FGF14: variants seen among roughly 807,000 people sequenced by gnomAD.
FGF14 encodes fibroblast growth factor 14, also known as fibroblast growth factor homologous factor 4.
FGF14 carries 5 observed loss-of-function variants against 25.5 expected under a neutral mutation model. The ratio of observed to expected loss-of-function variants is 0.20; its 90% CI spans 0.10 to 0.41. FGF14 has a LOEUF of 0.41. FGF14 is among the 10% of genes least tolerant of loss of function. The pLI, the probability that FGF14 is intolerant of heterozygous loss-of-function variation, is 1.00. For synonymous variants in FGF14, 138 were observed against 118.3 expected (o/e 1.17, Z -1.08); for missense variants, 222 against 320.1 (o/e 0.69, Z 2.34).
chr13:102,244,831 AC>A (rs988662822), intron 1 of FGF14, among the ~76,000 whole-genome samples: 6 of 152,210 alleles, frequency 3.9e-5, no homozygotes, highest in African/African-American at 1.4e-4. Context: ...CCAAGGAAGA[AC>A]CACATGTTTC....
chr13:101,919,108 C>T (rs1252131412), upstream of FGF14, among the ~76,000 whole-genome samples: 1 of 152,030 alleles, frequency 6.6e-6, no homozygotes, highest in East Asian at 1.9e-4. Context: ...GGAAAGATGT[C>T]TATAGAGAGA....
intron 1 of FGF14, among the ~76,000 whole-genome samples, chr13:102,161,566 GAAGAAAGA>G (rs1220880553): frequency 0.074 from 167 of 2,256 alleles, 22 homozygotes; most frequent in Non-Finnish European, 0.085. Context: ...AACTTTCTGT[GAAGAAAGA>G]AAGAAGAAGA....
chr13:102,070,268 A>G (rs940523339), intron 1 of FGF14, among the ~76,000 whole-genome samples: 1 of 152,238 alleles, frequency 6.6e-6, no homozygotes, highest in Non-Finnish European at 1.5e-5. Context: ...ACAAACAGGT[A>G]TATGTAAAGG....
In FGF14 at chr13:102,383,019, G is replaced by T. The variant is rs573569964; in HGVS notation, c.208+18452C>A. Among the ~76,000 whole-genome samples the T allele has an allele frequency of 1.2e-4, 19 of 152,128 alleles. No individual in the cohort carries two copies. In the South Asian group the frequency reaches 3.7e-3, roughly 30 times the overall value. On this transcript the variant is annotated intron_variant, in intron 1 of 4. Coordinates refer to the FGF14 transcript ENST00000376131. ...AGTTGATGAAAATATTCTAGAATTG[G>T]ATAGTGGTAATGGTTGCACAACTAT...
intron 3 of FGF14, among the ~76,000 whole-genome samples, chr13:101,733,953 GTAT>G (rs2035997093): frequency 6.6e-6 from 1 of 151,372 alleles, no homozygotes; most frequent in South Asian, 2.1e-4. Context: ...ATATAAATAT[GTAT>G]TATATATTTT....
At chr13:101,909,384 C>G (rs910628982) in intron 1 of FGF14, among the ~76,000 whole-genome samples, 9 of 152,142 alleles carry the variant, frequency 5.9e-5, no homozygotes, top group South Asian at 4.2e-4. Flanking sequence ...TGAACTCAGA[C>G]AAATTTGCAA....
intron 1 of FGF14, among the ~76,000 whole-genome samples, chr13:102,048,941 C>G (rs1163109930): frequency 6.6e-6 from 1 of 152,036 alleles, no homozygotes; most frequent in East Asian, 1.9e-4. Flanking sequence ...ACTTCCCTTC[C>G]TAAAACAGCA....
chr13:102,161,676 G>GTACCCC (rs778745345), intron 1 of FGF14, among the ~76,000 whole-genome samples: 9,749 of 56,888 alleles, frequency 0.17, 876 homozygotes, highest in East Asian at 0.31. Flanking sequence ...AGAAGAAGAA[G>GTACCCC]AAGAAGAAGA....
chr13:102,270,231 T>A (rs185939218), intron 1 of FGF14, among the ~76,000 whole-genome samples: 1 of 152,238 alleles, frequency 6.6e-6, no homozygotes, highest in East Asian at 1.9e-4. Flanking sequence ...GTAAATGTCT[T>A]TCATCTCTCT....
Position 101,720,564 on chromosome 13 carries a change from G to GTGTGTGTA in FGF14, c.*2266_*2267insTACACACA, listed in dbSNP as rs1233100229. ...TGTGTGTGTGTGTGTGTGTGTGTGT[G>GTGTGTGTA]TATATGTGTGTGTTTGTGTGAAGTG... On this transcript the variant is annotated 3_prime_UTR_variant, in exon 5 of 5. Coordinates refer to ENST00000376143, the MANE Select transcript of FGF14 (RefSeq NM_004115.4). The GTGTGTGTA allele has an allele frequency of 2.2e-5, 3 of 138,736 alleles. No homozygotes were observed. Among genetic ancestry groups the GTGTGTGTA allele is most frequent in the Non-Finnish European group, 3.2e-5 (2 of 62,894 alleles). The allele number at this position is 138,736 out of a possible 1,614,324, so 8.6% of individuals were successfully genotyped here.
intron 1 of FGF14, among the ~76,000 whole-genome samples, chr13:102,323,548 G>A (rs2056319524): frequency 6.6e-6 from 1 of 152,132 alleles, no homozygotes; most frequent in African/African-American, 2.4e-5. Flanking sequence ...GAGACAAATT[G>A]AAATCATATC....
At chr13:102,150,180 A>T (rs917151932) in intron 1 of FGF14, among the ~76,000 whole-genome samples, 16 of 152,224 alleles carry the variant, frequency 1.1e-4, no homozygotes, top group African/African-American at 3.9e-4. Context: ...GCATCTTTGA[A>T]TCTCGACCTC....
chr13:102,363,709 C>G (rs1296088171), intron 1 of FGF14, among the ~76,000 whole-genome samples: 1 of 152,210 alleles, frequency 6.6e-6, no homozygotes, highest in Non-Finnish European at 1.5e-5. Flanking sequence ...ATGTCTCCAT[C>G]ATCTGCCTGT....
intron 1 of FGF14, among the ~76,000 whole-genome samples, chr13:102,108,557 G>A (rs2045048848): frequency 6.6e-6 from 1 of 152,182 alleles, no homozygotes; most frequent in East Asian, 1.9e-4. Context: ...CTGAAGACAG[G>A]TTTTATGTCT....
At chr13:102,181,101 G>A (rs1448586019) in intron 1 of FGF14, among the ~76,000 whole-genome samples, 1 of 152,080 alleles carries the variant, frequency 6.6e-6, no homozygotes, top group African/African-American at 2.4e-5. Flanking sequence ...CCATCATTGA[G>A]AATAATTTCT....
At chr13:101,933,636 A>G (rs536903805) in intron 1 of FGF14, among the ~76,000 whole-genome samples, 1 of 152,320 alleles carries the variant, frequency 6.6e-6, no homozygotes, top group Non-Finnish European at 1.5e-5. Flanking sequence ...AGGCGGCAGA[A>G]TCACTTAAAT....
intron 1 of FGF14, chr13:102,293,756 CTTG>C (rs1289697145): frequency 1.3e-5 from 2 of 152,058 alleles, no homozygotes; most frequent in African/African-American, 4.8e-5. Flanking sequence ...TGTTTTGATT[CTTG>C]TTGCTGTATA....
intron 1 of FGF14, among the ~76,000 whole-genome samples, chr13:102,001,139 A>C (rs2039472366): frequency 6.6e-6 from 1 of 152,250 alleles, no homozygotes; most frequent in Admixed American, 6.5e-5. Context: ...AGGCAGCAGC[A>C]GGAGCAGAAC....
At chr13:102,178,817 G>GTA (rs1159359371) in intron 1 of FGF14, among the ~76,000 whole-genome samples, 7 of 151,946 alleles carry the variant, frequency 4.6e-5, no homozygotes, top group East Asian at 3.9e-4. Flanking sequence ...ATGTGTGTGT[G>GTA]TATATATATA....
Sources: allele counts gnomAD v4.1 joint callset (sites outside exome capture counted in the v4.1 genomes callset), GRCh38; gene constraint gnomAD v4.1.1; transcripts MANE v1.5; gene names NCBI Gene and HGNC (gene_info 2026-07-23, HGNC 2026-07-21).